The following PHKB variants were observed in gnomAD, a reference collection of about 807,000 sequenced individuals.
PHKB encodes phosphorylase kinase regulatory subunit beta, also known as phosphorylase b kinase regulatory subunit beta.
Under a neutral mutation model 152.1 loss-of-function variants are expected in PHKB, and 122 were observed. That is an observed-to-expected ratio of 0.80 (90% CI 0.69 to 0.93). The LOEUF is 0.93. PHKB is among the 40% of genes least tolerant of loss of function. The pLI, the probability that PHKB is intolerant of heterozygous loss-of-function variation, is 0.00. For synonymous variants in PHKB, 436 were observed against 464.9 expected (o/e 0.94, Z 0.80); for missense variants, 1,304 against 1,328.4 (o/e 0.98, Z 0.29).
At chr16:47,563,335 A>G (rs1288822714) in intron 7 of PHKB, among the ~76,000 whole-genome samples, 2 of 151,882 alleles carry the variant, frequency 1.3e-5, no homozygotes, top group African/African-American at 4.8e-5. Flanking sequence ...TTTCTTAAAT[A>G]ATAAAACTTG....
chr16:47,521,317 G>T, intron 6 of PHKB, among the ~76,000 whole-genome samples: 1 of 152,082 alleles, frequency 6.6e-6, no homozygotes, highest in East Asian at 1.9e-4. Flanking sequence ...TCCTTGTCTT[G>T]TTCCTGATTT....
intron 3 of PHKB, among the ~76,000 whole-genome samples, chr16:47,502,449 G>T (rs974272619): frequency 6.6e-6 from 1 of 152,162 alleles, no homozygotes; most frequent in Non-Finnish European, 1.5e-5. Flanking sequence ...AAAGCTCTAT[G>T]CCAAAATACA....
chr16:47,486,421 A>G (rs1192268907), intron 1 of PHKB, among the ~76,000 whole-genome samples: 1 of 152,368 alleles, frequency 6.6e-6, no homozygotes, highest in East Asian at 1.9e-4. Context: ...GATGTAATTT[A>G]AATTTCAAAA....
intron 14 of PHKB, among the ~76,000 whole-genome samples, chr16:47,615,335 C>T (rs1972496536): frequency 6.6e-6 from 1 of 152,142 alleles, no homozygotes; most frequent in Non-Finnish European, 1.5e-5. Context: ...GTCAGGAAAG[C>T]CGTCTGGGGC....
chr16:47,633,775 G>A (rs1194446451), intron 14 of PHKB, among the ~76,000 whole-genome samples: 3 of 152,228 alleles, frequency 2.0e-5, no homozygotes, highest in Admixed American at 1.3e-4. Context: ...AGCTGTAAAA[G>A]TCCTCGAGAA....
chr16:47,532,786 A>G (rs946459009), intron 6 of PHKB, among the ~76,000 whole-genome samples: 1 of 152,246 alleles, frequency 6.6e-6, no homozygotes, highest in South Asian at 2.1e-4. Flanking sequence ...AAGGGCCACA[A>G]TGTGGCAGGC....
In PHKB at chr16:47,469,928, GGTAGTA is replaced by G. The variant is rs575439394; in HGVS notation, c.76+8509_76+8514del. ...GTAATGTCTGGAAGTACCTAGTGGT[GGTAGTA>G]GTAGTACTAATGATAATAATGATTT... On this transcript the variant is annotated intron_variant, in intron 1 of 30. Transcript: ENST00000323584. 3.5e-3 allele frequency among the ~76,000 whole-genome samples: 538 copies of G among 152,294 alleles called. 2 individuals carry two copies. Among genetic ancestry groups the G allele is most frequent in the African/African-American group, 0.012 (504 of 41,556 alleles).
At chr16:47,590,874 C>T (rs1972017183) in intron 10 of PHKB, 1 of 152,190 alleles carries the variant, frequency 6.6e-6, no homozygotes, top group Non-Finnish European at 1.5e-5. Context: ...CCAGCTTTTT[C>T]CTGTTTGTAC....
intron 7 of PHKB, among the ~76,000 whole-genome samples, chr16:47,572,810 T>C (rs1419617760): frequency 6.6e-6 from 1 of 152,084 alleles, no homozygotes; most frequent in African/African-American, 2.4e-5. Context: ...GCCTGATTGG[T>C]GTGAGTAATA....
At chr16:47,596,173 G>A (rs374431536) in intron 12 of PHKB, among the ~76,000 whole-genome samples, 200 bp from the exon 13 acceptor site, 16 of 152,144 alleles carry the variant, frequency 1.1e-4, no homozygotes, top group South Asian at 8.3e-4. Flanking sequence ...CCTCTTGCCT[G>A]CCACCATATA....
chr16:47,510,546 A>G (rs1481579463), intron 4 of PHKB, among the ~76,000 whole-genome samples: 1 of 152,320 alleles, frequency 6.6e-6, no homozygotes. Flanking sequence ...CTAGGAAGGT[A>G]GACCAAATGT....
At chr16:47,574,127 C>G (rs1026688869) in intron 7 of PHKB, among the ~76,000 whole-genome samples, 10 of 152,146 alleles carry the variant, frequency 6.6e-5, no homozygotes, top group African/African-American at 2.4e-4. Context: ...GCCATGTTGA[C>G]CAGGCTGGTC....
At chr16:47,556,927 A>C (rs1971382697) in intron 7 of PHKB, among the ~76,000 whole-genome samples, 1 of 152,150 alleles carries the variant, frequency 6.6e-6, no homozygotes, top group South Asian at 2.1e-4. Context: ...CAAGCTATTG[A>C]TTATTGCCAC....
At chr16:47,566,407 TG>T in intron 7 of PHKB, 1 of 1,601,706 alleles carries the variant, frequency 6.2e-7, no homozygotes, top group Non-Finnish European at 8.5e-7. Context: ...CAAATTCTCC[TG>T]TTACCTAGAG....
At chr16:47,656,080 G>T (rs1361365053) in intron 20 of PHKB, among the ~76,000 whole-genome samples, 3 of 151,544 alleles carry the variant, frequency 2.0e-5, no homozygotes, top group Non-Finnish European at 4.4e-5. Flanking sequence ...GCAGTGGCGC[G>T]ATCTTGGCTC....
chr16:47,542,245 A>G (rs1275402923), intron 6 of PHKB, among the ~76,000 whole-genome samples: 1 of 152,202 alleles, frequency 6.6e-6, no homozygotes, highest in Non-Finnish European at 1.5e-5. Flanking sequence ...TCCTAGTACC[A>G]TTAAATAGGG....
chr16:47,555,649 T>C (rs999768760), intron 7 of PHKB, among the ~76,000 whole-genome samples: 1 of 152,238 alleles, frequency 6.6e-6, no homozygotes, highest in African/African-American at 2.4e-5. Context: ...GAGAGTGTCT[T>C]GTACCATTAA....
intron 30 of PHKB, among the ~76,000 whole-genome samples, chr16:47,698,928 C>T (rs1487953790): frequency 6.6e-6 from 1 of 152,070 alleles, no homozygotes; most frequent in Non-Finnish European, 1.5e-5. Context: ...TGACAGGCTA[C>T]GTTGGTGCTG....
intron 7 of PHKB, among the ~76,000 whole-genome samples, chr16:47,572,449 T>G (rs1042653218): frequency 6.6e-6 from 1 of 152,344 alleles, no homozygotes; most frequent in Admixed American, 6.5e-5. Context: ...TTTTGTTTCT[T>G]TCTTCTGAGG....
Sources: allele counts gnomAD v4.1 joint callset (sites outside exome capture counted in the v4.1 genomes callset), GRCh38; gene constraint gnomAD v4.1.1; transcripts MANE v1.5; gene names NCBI Gene and HGNC (gene_info 2026-07-23, HGNC 2026-07-21).